The following PPP4R3B variants were observed in gnomAD, a reference collection of about 807,000 sequenced individuals.
The protein encoded by PPP4R3B is protein phosphatase 4 regulatory subunit 3B.
PPP4R3B carries 52 observed loss-of-function variants against 95.4 expected under a neutral mutation model. The ratio of observed to expected loss-of-function variants is 0.54; its 90% CI spans 0.44 to 0.69. PPP4R3B has a LOEUF of 0.69. Ranked by LOEUF, PPP4R3B falls within the 30% of genes least tolerant of loss-of-function variation. The pLI, the probability that PPP4R3B is intolerant of heterozygous loss-of-function variation, is 0.00. For synonymous variants in PPP4R3B, 407 were observed against 343.9 expected (o/e 1.18, Z -2.03); for missense variants, 1,003 against 1,005.9 (o/e 1.00, Z 0.04).
chr2:55,564,721 GA>G (rs1176986460), intron 14 of PPP4R3B, among the ~76,000 whole-genome samples, 180 bp downstream of exon 14: 2 of 152,144 alleles, frequency 1.3e-5, no homozygotes, highest in Admixed American at 6.5e-5. Flanking sequence ...TTACAACATG[GA>G]GTAGTAATTC....
intron 4 of PPP4R3B, among the ~76,000 whole-genome samples, chr2:55,589,989 TTATA>T (rs932885301): frequency 1.4e-5 from 2 of 144,132 alleles, no homozygotes; most frequent in African/African-American, 5.1e-5. Flanking sequence ...ATTTAATATA[TTATA>T]TATATATAAT....
At chr2:55,574,174 T>C (rs1192085654) in intron 11 of PPP4R3B, among the ~76,000 whole-genome samples, 1 of 151,866 alleles carries the variant, frequency 6.6e-6, no homozygotes, top group Non-Finnish European at 1.5e-5. Flanking sequence ...ATTACAAGTG[T>C]AAGCCCCTGC....
chr2:55,609,631 G>A (rs1693886555), intron 2 of PPP4R3B, among the ~76,000 whole-genome samples: 1 of 146,870 alleles, frequency 6.8e-6, no homozygotes, highest in African/African-American at 2.5e-5. Context: ...TCACGCCACT[G>A]CACTCCAGCC....
chr2:55,576,926 C>G (rs1688762750), intron 11 of PPP4R3B, among the ~76,000 whole-genome samples: 1 of 152,150 alleles, frequency 6.6e-6, no homozygotes, highest in African/African-American at 2.4e-5. Flanking sequence ...AAGCCCATAC[C>G]TACTATGCCT....
Position 55,588,943 on chromosome 2 carries a change from A to C in PPP4R3B, c.935T>G (p.Phe312Cys). 2.5e-6 allele frequency: 4 copies of C among 1,603,872 alleles called. No homozygotes were observed. Among genetic ancestry groups the C allele is most frequent in the Non-Finnish European group, 3.4e-6 (4 of 1,172,516 alleles). ...IVSMLQEDEK[F>C]LSEVFAQLTD... Reference sequence around the variant, plus strand: ...TAATTGTGCAAAAACTTCAGACAAAAACTTCTCATCTTCCTGCATGAGAAA... The same window carrying C: ...TAATTGTGCAAAAACTTCAGACAAACACTTCTCATCTTCCTGCATGAGAAA... The change falls in exon 5 of 17, where the codon TTT becomes TGT. Residue 312 changes from phenylalanine to cysteine, a missense_variant. By Grantham distance (205) the Phe-to-Cys change is radical. This residue lies in a region of PPP4R3B where 695 missense variants were observed against 686.2 expected (regional missense o/e 1.01). Coordinates refer to ENST00000616407, the MANE Select transcript of PPP4R3B (RefSeq NM_001122964.3).
intron 16 of PPP4R3B, 42 bp downstream of exon 16, chr2:55,558,729 CACAG>C: frequency 7.3e-7 from 1 of 1,363,172 alleles, no homozygotes; most frequent in Non-Finnish European, 9.7e-7. Flanking sequence ...GAAAAAATCT[CACAG>C]ACGGGAAAAG....
At chr2:55,584,317 T>C (rs1315026489) in intron 7 of PPP4R3B, among the ~76,000 whole-genome samples, 1 of 152,126 alleles carries the variant, frequency 6.6e-6, no homozygotes, top group East Asian at 1.9e-4. Flanking sequence ...AAACACAATA[T>C]TGGTCTCATT....
At chr2:55,588,601 T>A (rs1315402525) in intron 5 of PPP4R3B, among the ~76,000 whole-genome samples, 1 of 152,138 alleles carries the variant, frequency 6.6e-6, no homozygotes, top group East Asian at 1.9e-4. Flanking sequence ...GTAGTTCTGT[T>A]CTAACATAAG....
At chr2:55,580,136 T>C (rs1453888130) in intron 8 of PPP4R3B, among the ~76,000 whole-genome samples, 1 of 152,174 alleles carries the variant, frequency 6.6e-6, no homozygotes, top group Non-Finnish European at 1.5e-5. Flanking sequence ...AAGATGCCTG[T>C]GATACGAATA....
intron 2 of PPP4R3B, among the ~76,000 whole-genome samples, chr2:55,610,272 T>C (rs1287677959): frequency 6.6e-6 from 1 of 152,206 alleles, no homozygotes; most frequent in Non-Finnish European, 1.5e-5. Flanking sequence ...AAAGATCTTC[T>C]GCTCCACCCT....
At chr2:55,590,104 G>C (rs967328685) in intron 4 of PPP4R3B, among the ~76,000 whole-genome samples, 1 of 150,554 alleles carries the variant, frequency 6.6e-6, no homozygotes, top group South Asian at 2.1e-4. Context: ...GAGGCGGGGG[G>C]ATCACCTGAG....
intron 3 of PPP4R3B, among the ~76,000 whole-genome samples, chr2:55,601,631 C>T (rs1453015347): frequency 1.3e-5 from 2 of 152,096 alleles, no homozygotes; most frequent in Non-Finnish European, 2.9e-5. Flanking sequence ...CCTCCTGCCT[C>T]GGCCTCCCAA....
chr2:55,561,200 G>C (rs961620473), intron 15 of PPP4R3B, among the ~76,000 whole-genome samples: 3 of 152,152 alleles, frequency 2.0e-5, no homozygotes, highest in Non-Finnish European at 4.4e-5. Context: ...CCAACTCTTG[G>C]TGGCTTCCAT....
At chr2:55,554,283 G>C (rs1176431752) in intron 16 of PPP4R3B, among the ~76,000 whole-genome samples, 1 of 152,134 alleles carries the variant, frequency 6.6e-6, no homozygotes, top group Admixed American at 6.5e-5. Context: ...CGAGCTCCTG[G>C]GCTCAAGCGA....
chr2:55,588,330 A>G (rs544041150), intron 5 of PPP4R3B, among the ~76,000 whole-genome samples: 4 of 152,182 alleles, frequency 2.6e-5, no homozygotes, highest in African/African-American at 4.8e-5. Flanking sequence ...CCTGACCAAC[A>G]TGGAGAAATC....
intron 15 of PPP4R3B, among the ~76,000 whole-genome samples, chr2:55,561,551 G>A (rs896257752): frequency 1.3e-5 from 2 of 152,344 alleles, no homozygotes; most frequent in African/African-American, 4.8e-5. Flanking sequence ...AGCAGCCATG[G>A]GGGCTGTACC....
chr2:55,612,542 A>C (rs924759064), intron 2 of PPP4R3B, among the ~76,000 whole-genome samples: 1 of 152,136 alleles, frequency 6.6e-6, no homozygotes, highest in Non-Finnish European at 1.5e-5. Context: ...ACACAGTGAG[A>C]CCGTCTCTAC....
At chr2:55,576,973 C>T (rs1385105830) in intron 11 of PPP4R3B, among the ~76,000 whole-genome samples, 16 of 152,154 alleles carry the variant, frequency 1.1e-4, no homozygotes. Flanking sequence ...GACTCAGATT[C>T]ATGAACAATA....
chr2:55,616,101 A>C (rs1417512801), intron 1 of PPP4R3B, among the ~76,000 whole-genome samples: 3 of 152,024 alleles, frequency 2.0e-5, no homozygotes, highest in Non-Finnish European at 4.4e-5. Context: ...ATGACTATTA[A>C]AATTTTATTG....
Sources: gnomAD v4.1 joint callset for allele counts (sites outside exome capture counted in the v4.1 genomes callset) on GRCh38, gnomAD v4.1.1 for gene constraint, gnomAD v4.1.1 regional missense constraint, MANE v1.5 for transcripts, NCBI Gene and HGNC (gene_info 2026-07-23, HGNC 2026-07-21) for gene names.